OR1B1: variants seen among roughly 807,000 people sequenced by gnomAD.
The protein encoded by OR1B1 is olfactory receptor 1B1.
For synonymous variants in OR1B1, 168 were observed against 156.2 expected, an observed-to-expected ratio of 1.08 and a Z score of -0.57; for missense variants, 414 against 402.1, an observed-to-expected ratio of 1.03 and a Z score of -0.25.
chr9:122,635,117 T>C, the OR1B1 span, among the ~76,000 whole-genome samples: 13 of 152,144 alleles, frequency 8.5e-5, no homozygotes, highest in Non-Finnish European at 1.6e-4. Context: ...AGCTAAAATA[T>C]GGAAACAACC....
At chr9:122,642,273 G>A in the OR1B1 span, among the ~76,000 whole-genome samples, 1 of 152,182 alleles carries the variant, frequency 6.6e-6, no homozygotes, top group Non-Finnish European at 1.5e-5. Context: ...GTTATTGATA[G>A]AGAAAGACAA....
chr9:122,649,881 C>T, the OR1B1 span, among the ~76,000 whole-genome samples: 1 of 152,140 alleles, frequency 6.6e-6, no homozygotes, highest in Admixed American at 6.5e-5. Flanking sequence ...CCATTTGACC[C>T]AGCAACCCCA....
the OR1B1 span, among the ~76,000 whole-genome samples, chr9:122,654,373 T>A: frequency 6.6e-6 from 1 of 152,198 alleles, no homozygotes; most frequent in South Asian, 2.1e-4. Flanking sequence ...ATTCCAGTGC[T>A]CTCCTAAGAC....
chr9:122,644,122 C>T, the OR1B1 span, among the ~76,000 whole-genome samples: 1 of 152,170 alleles, frequency 6.6e-6, no homozygotes, highest in South Asian at 2.1e-4. Context: ...GGTACCAGTT[C>T]GGCCACAGTA....
At chr9:122,634,244 G>C (rs1351350537), upstream of OR1B1, among the ~76,000 whole-genome samples, 1 of 151,488 alleles carries the variant, frequency 6.6e-6, no homozygotes, top group East Asian at 1.9e-4. Context: ...GCTGAGGCAG[G>C]AGAATCGCTT....
the OR1B1 span, among the ~76,000 whole-genome samples, chr9:122,656,046 A>T: frequency 6.6e-6 from 1 of 152,148 alleles, no homozygotes; most frequent in Non-Finnish European, 1.5e-5. Context: ...CCTTATTTCC[A>T]AAATGGGTAT....
At chr9:122,628,727 A>G in exon 1 of OR1B1, 4 of 1,614,034 alleles carry the variant, frequency 2.5e-6, no homozygotes, top group Non-Finnish European at 2.5e-6. Context: ...AGAGTTCTGG[A>G]AGGGAGGCTG....
At chr9:122,630,353 C>CA (rs1417802118), upstream of OR1B1, among the ~76,000 whole-genome samples, 2 of 152,196 alleles carry the variant, frequency 1.3e-5, no homozygotes, top group Non-Finnish European at 2.9e-5. Context: ...GATGCACAAA[C>CA]AAAAAACTGA....
the OR1B1 span, among the ~76,000 whole-genome samples, chr9:122,654,506 A>G: frequency 0.21 from 32,674 of 152,092 alleles, 3,853 homozygotes; most frequent in East Asian, 0.44. Flanking sequence ...TTTCATTTCA[A>G]TGACCTCTGA....
At chr9:122,643,704 G>C in the OR1B1 span, among the ~76,000 whole-genome samples, 3 of 152,202 alleles carry the variant, frequency 2.0e-5, no homozygotes, top group East Asian at 5.8e-4. Context: ...TAATGAAAGT[G>C]ACTCCTTCCT....
At chr9:122,634,335 CAAA>C (rs754164135), upstream of OR1B1, among the ~76,000 whole-genome samples, 5 of 86,802 alleles carry the variant, frequency 5.8e-5, no homozygotes, top group Non-Finnish European at 5.4e-5. Context: ...AACTCCATCT[CAAA>C]AAAAAAAAAA....
the OR1B1 span, among the ~76,000 whole-genome samples, chr9:122,648,909 T>C: frequency 4.6e-5 from 7 of 152,246 alleles, no homozygotes; most frequent in Middle Eastern, 6.8e-3. Context: ...ACTTTAAATT[T>C]CATATGGAAC....
the OR1B1 span, among the ~76,000 whole-genome samples, chr9:122,644,783 G>T: frequency 1.3e-5 from 2 of 152,194 alleles, no homozygotes; most frequent in African/African-American, 2.4e-5. Context: ...TGGCCTTAGG[G>T]CTCAGGTCCC....
the OR1B1 span, among the ~76,000 whole-genome samples, chr9:122,637,895 G>T: frequency 6.6e-6 from 1 of 152,136 alleles, no homozygotes; most frequent in Non-Finnish European, 1.5e-5. Flanking sequence ...GTATATAACA[G>T]TGATGGCATT....
chr9:122,640,356 T>C, the OR1B1 span, among the ~76,000 whole-genome samples: 1 of 152,168 alleles, frequency 6.6e-6, no homozygotes, highest in Admixed American at 6.5e-5. Context: ...CATGTCCAGT[T>C]CTAGATCCTG....
chr9:122,629,145 G>T (rs777618604), exon 1 of OR1B1: 2 of 1,613,998 alleles, frequency 1.2e-6, no homozygotes, highest in Admixed American at 1.7e-5. Flanking sequence ...TAGTGCAGGG[G>T]GTCACAGATG....
chr9:122,649,010 A>T, the OR1B1 span, among the ~76,000 whole-genome samples: 29 of 152,120 alleles, frequency 1.9e-4, no homozygotes, highest in African/African-American at 6.8e-4. Context: ...ATATTATAAG[A>T]CTACAGTAAC....
At chr9:122,638,073 T>A in the OR1B1 span, among the ~76,000 whole-genome samples, 8 of 152,114 alleles carry the variant, frequency 5.3e-5, no homozygotes, top group Non-Finnish European at 7.4e-5. Flanking sequence ...CGTTGCAAAA[T>A]GATAGAAAAG....
upstream of OR1B1, among the ~76,000 whole-genome samples, chr9:122,633,589 T>G (rs145636330): frequency 0.011 from 1,711 of 152,228 alleles, 25 homozygotes; most frequent in African/African-American, 0.039. Context: ...GCTTAAAAAC[T>G]TATACTCAAT....
Sources: gnomAD v4.1 joint callset for allele counts (sites outside exome capture counted in the v4.1 genomes callset) on GRCh38, gnomAD v4.1.1 for gene constraint, MANE v1.5 for transcripts, NCBI Gene and HGNC (gene_info 2026-07-23, HGNC 2026-07-21) for gene names.